The following KLF12 variants were observed in gnomAD, a reference collection of about 807,000 sequenced individuals.
The protein encoded by KLF12 is KLF transcription factor 12.
In KLF12, 9 loss-of-function variants were observed where a neutral mutation model predicts 37.8. That is an observed-to-expected ratio of 0.24 (90% CI 0.14 to 0.42). KLF12 has a LOEUF of 0.42. KLF12 is among the 10% of genes least tolerant of loss of function. The pLI is 1.00. For synonymous variants in KLF12, 208 were observed against 202.1 expected (o/e 1.03, Z -0.25); for missense variants, 411 against 516.0 (o/e 0.80, Z 1.97).
At position 73,897,812 on chromosome 13, in the gene KLF12, C is replaced by T. The variant is rs1286583903; in HGVS notation, c.123+46169G>A. 3.9e-5 allele frequency among the ~76,000 whole-genome samples: 6 copies of T among 152,160 alleles called. No homozygotes were observed. The South Asian group carries it at 1.2e-3, about 32-fold the overall frequency. On this transcript the variant is annotated intron_variant, in intron 3 of 7. Transcript: ENST00000377669. Reference sequence around the variant, plus strand: ...TTTCTAAAATACAAATCTAATGATGCAATGCCTCTATTAAAAAATGTTTTG... The same window carrying T: ...TTTCTAAAATACAAATCTAATGATGTAATGCCTCTATTAAAAAATGTTTTG...
the KLF12 span, among the ~76,000 whole-genome samples, chr13:74,270,893 T>C: frequency 2.6e-5 from 4 of 152,166 alleles, no homozygotes; most frequent in African/African-American, 7.2e-5. Flanking sequence ...TGTGAGCCAC[T>C]TGATATTCCA....
At chr13:73,733,465 C>T (rs142483543) in intron 6 of KLF12, among the ~76,000 whole-genome samples, 3 of 152,220 alleles carry the variant, frequency 2.0e-5, no homozygotes, top group Admixed American at 1.3e-4. Flanking sequence ...AAGATTCATC[C>T]ACATTGTAGC....
intron 2 of KLF12, among the ~76,000 whole-genome samples, chr13:73,957,095 GGAAAGGAAA>G (rs1890869119): frequency 9.9e-6 from 1 of 101,178 alleles, no homozygotes; most frequent in African/African-American, 3.3e-5. Context: ...GGAAAGGAAA[GGAAAGGAAA>G]GAAAGGAAAA....
chr13:73,784,719 C>T (rs2138219383), intron 5 of KLF12, among the ~76,000 whole-genome samples: 1 of 151,728 alleles, frequency 6.6e-6, no homozygotes, highest in East Asian at 1.9e-4. Flanking sequence ...CAAGCTCCGC[C>T]TCCTGAGTTC....
intron 1 of KLF12, among the ~76,000 whole-genome samples, chr13:74,112,972 G>C (rs546658141): frequency 6.6e-6 from 1 of 152,252 alleles, no homozygotes; most frequent in Admixed American, 6.6e-5. Flanking sequence ...AAACGAAACA[G>C]CTTTAATGCT....
chr13:73,773,561 A>G (rs1880401868), intron 5 of KLF12, among the ~76,000 whole-genome samples: 1 of 139,082 alleles, frequency 7.2e-6, no homozygotes, highest in South Asian at 2.4e-4. Flanking sequence ...GATGGCTATG[A>G]CACTATGTCC....
the KLF12 span, among the ~76,000 whole-genome samples, chr13:74,300,036 A>C: frequency 2.6e-5 from 4 of 152,048 alleles, no homozygotes; most frequent in East Asian, 1.9e-4. Flanking sequence ...AGTATCCCTA[A>C]TGGAAAAAAA....
At chr13:74,184,635 G>A in the KLF12 span, among the ~76,000 whole-genome samples, 3 of 152,010 alleles carry the variant, frequency 2.0e-5, no homozygotes, top group Admixed American at 2.0e-4. Context: ...TGGATAAACC[G>A]TAATTATGGA....
chr13:74,002,625 C>G (rs1892309374), intron 1 of KLF12, among the ~76,000 whole-genome samples: 1 of 152,138 alleles, frequency 6.6e-6, no homozygotes, highest in Non-Finnish European at 1.5e-5. Context: ...GTCTCAGGCT[C>G]CCAAAGTGCT....
chr13:74,232,193 G>T, the KLF12 span, among the ~76,000 whole-genome samples: 1 of 152,158 alleles, frequency 6.6e-6, no homozygotes, highest in Non-Finnish European at 1.5e-5. Context: ...TTCATTATGT[G>T]CTTCCTAAAG....
intron 4 of KLF12, among the ~76,000 whole-genome samples, chr13:73,822,342 C>T (rs1478137406): frequency 6.6e-6 from 1 of 152,162 alleles, no homozygotes; most frequent in Non-Finnish European, 1.5e-5. Context: ...AATGGGCTTT[C>T]CTTTCAGGAA....
chr13:73,944,966 G>A (rs1002879023), intron 2 of KLF12, among the ~76,000 whole-genome samples: 3 of 151,924 alleles, frequency 2.0e-5, no homozygotes, highest in African/African-American at 4.8e-5. Context: ...CTACAAATCT[G>A]ACAGAACTAA....
chr13:74,249,476 G>T, the KLF12 span, among the ~76,000 whole-genome samples: 15 of 152,078 alleles, frequency 9.9e-5, no homozygotes, highest in East Asian at 2.9e-3. Context: ...CATGAGTTTG[G>T]ATCACAAGCT....
chr13:74,178,299 G>A, the KLF12 span, among the ~76,000 whole-genome samples: 7 of 152,134 alleles, frequency 4.6e-5, no homozygotes, highest in Admixed American at 6.5e-5. Flanking sequence ...GTCCCCTGAC[G>A]CAAAAATGAC....
chr13:74,093,562 T>C (rs1875800076), intron 1 of KLF12, among the ~76,000 whole-genome samples: 1 of 152,150 alleles, frequency 6.6e-6, no homozygotes, highest in African/African-American at 2.4e-5. Flanking sequence ...AACCATAAGA[T>C]GGTCATTATC....
chr13:73,924,472 T>C (rs539233906), intron 3 of KLF12, among the ~76,000 whole-genome samples: 3 of 152,160 alleles, frequency 2.0e-5, no homozygotes, highest in Non-Finnish European at 4.4e-5. Context: ...CAGTGATTTT[T>C]TGGGGTGCCA....
chr13:73,822,691 G>A (rs1883594136), intron 4 of KLF12, among the ~76,000 whole-genome samples: 1 of 152,142 alleles, frequency 6.6e-6, no homozygotes, highest in Admixed American at 6.5e-5. Flanking sequence ...AAAAGAAAAT[G>A]AATAGAGATT....
chr13:74,104,463 G>T (rs1256031454), intron 1 of KLF12, among the ~76,000 whole-genome samples: 2 of 152,140 alleles, frequency 1.3e-5, no homozygotes, highest in African/African-American at 4.8e-5. Context: ...CCAAAGTTTT[G>T]AATAACCTGG....
At chr13:74,222,166 G>T in the KLF12 span, among the ~76,000 whole-genome samples, 1 of 152,186 alleles carries the variant, frequency 6.6e-6, no homozygotes, top group Non-Finnish European at 1.5e-5. Context: ...AATTCTTGTA[G>T]TTTGAGTAAA....
Sources: gnomAD v4.1 joint callset for allele counts (sites outside exome capture counted in the v4.1 genomes callset) on GRCh38, gnomAD v4.1.1 for gene constraint, MANE v1.5 for transcripts, NCBI Gene and HGNC (gene_info 2026-07-23, HGNC 2026-07-21) for gene names.